FMN2: variants seen among roughly 807,000 people sequenced by gnomAD.
FMN2 encodes the protein formin-2.
A neutral mutation model predicts 142.3 loss-of-function variants in FMN2; 51 were observed. The ratio of observed to expected loss-of-function variants is 0.36; its 90% confidence interval spans 0.29 to 0.45. The LOEUF (loss-of-function observed/expected upper bound fraction) is 0.45. FMN2 is among the 20% of genes least tolerant of loss of function. The probability of loss-of-function intolerance (pLI) is 1.00; values close to 1 mark genes in which losing one functional copy is unlikely to be tolerated. For missense variants in FMN2, 1,936 were observed against 2,122.8 expected, an observed-to-expected ratio of 0.91 and a Z score of 1.73; for synonymous variants, 882 against 869.8, an observed-to-expected ratio of 1.01 and a Z score of -0.25.
At chr1:240,320,341 TG>T (rs1014288702) in intron 8 of FMN2, among the ~76,000 whole-genome samples, 7 of 152,282 alleles carry the variant, frequency 4.6e-5, no homozygotes, top group Non-Finnish European at 7.4e-5. Flanking sequence ...AATGTGTAAG[TG>T]TGTAGCCACT....
intron 7 of FMN2, among the ~76,000 whole-genome samples, chr1:240,288,248 G>A (rs768054665): frequency 8.5e-5 from 13 of 152,088 alleles, no homozygotes; most frequent in Non-Finnish European, 1.3e-4. Flanking sequence ...TGTCTCACAC[G>A]TCTCTGTATA....
chr1:240,274,587 G>A (rs1345194191), intron 7 of FMN2, among the ~76,000 whole-genome samples: 1 of 152,104 alleles, frequency 6.6e-6, no homozygotes, highest in Non-Finnish European at 1.5e-5. Flanking sequence ...TTTAGGTAGA[G>A]GAACGATTGG....
At chr1:240,381,979 C>T (rs1673240172) in intron 14 of FMN2, among the ~76,000 whole-genome samples, 1 of 152,094 alleles carries the variant, frequency 6.6e-6, no homozygotes, top group South Asian at 2.1e-4. Context: ...CCAAAGCAAT[C>T]AAGCAAGAAA....
chr1:240,457,489 C>G (rs1379297017), intron 16 of FMN2: 1 of 152,148 alleles, frequency 6.6e-6, no homozygotes, highest in Non-Finnish European at 1.5e-5. Flanking sequence ...CAAATTCCTG[C>G]CCTGGTGGAG....
intron 4 of FMN2, among the ~76,000 whole-genome samples, chr1:240,188,550 G>A (rs367743046): frequency 6.6e-6 from 1 of 152,168 alleles, no homozygotes; most frequent in Non-Finnish European, 1.5e-5. Context: ...AGCAGGAAAC[G>A]GTGGCCACTC....
chr1:240,255,686 A>G (rs1668430972), intron 6 of FMN2, among the ~76,000 whole-genome samples: 1 of 152,104 alleles, frequency 6.6e-6, no homozygotes, highest in Non-Finnish European at 1.5e-5. Context: ...TTATCTCAAT[A>G]TATAGCATAA....
chr1:240,258,286 A>C, intron 7 of FMN2, among the ~76,000 whole-genome samples: 1 of 152,200 alleles, frequency 6.6e-6, no homozygotes, highest in East Asian at 1.9e-4. Context: ...TCAGGCTACT[A>C]TAACCAAGTA....
At chr1:240,253,782 G>A (rs977932474) in intron 6 of FMN2, among the ~76,000 whole-genome samples, 5 of 152,268 alleles carry the variant, frequency 3.3e-5, no homozygotes, top group African/African-American at 1.2e-4. Context: ...TGTATCTGTG[G>A]TGTTGGTTTG....
intron 15 of FMN2, among the ~76,000 whole-genome samples, chr1:240,436,688 A>AG (rs1168458443): frequency 6.7e-6 from 1 of 148,722 alleles, no homozygotes; most frequent in Non-Finnish European, 1.5e-5. Flanking sequence ...AAAAAAAAAA[A>AG]AACTCAATAT....
intron 6 of FMN2, among the ~76,000 whole-genome samples, chr1:240,220,667 T>TTGTTTGTG (rs371039063): frequency 6.7e-6 from 1 of 149,094 alleles, no homozygotes. Flanking sequence ...GAGTCTGTGT[T>TTGTTTGTG]TGTGTGTGTG....
chr1:240,225,890 G>A (rs1667279822), intron 6 of FMN2, among the ~76,000 whole-genome samples: 1 of 152,090 alleles, frequency 6.6e-6, no homozygotes, highest in Non-Finnish European at 1.5e-5. Context: ...AGAGTTAAAA[G>A]TACAATAACC....
chr1:240,177,777 G>A, intron 2 of FMN2, 144 bp from the exon 3 acceptor site: 1 of 621,114 alleles, frequency 1.6e-6, no homozygotes, highest in Non-Finnish European at 2.4e-6. Context: ...ACACTGAATA[G>A]TATAAAAATG....
At chr1:240,367,820 A>G (rs1430782253) in intron 14 of FMN2, among the ~76,000 whole-genome samples, 1 of 151,834 alleles carries the variant, frequency 6.6e-6, no homozygotes, top group Non-Finnish European at 1.5e-5. Context: ...AAGTTGGTAA[A>G]GATAATGTCC....
chr1:240,280,997 A>C (rs1669378064), intron 7 of FMN2, among the ~76,000 whole-genome samples: 1 of 152,060 alleles, frequency 6.6e-6, no homozygotes, highest in Non-Finnish European at 1.5e-5. Context: ...CTTGGTATCC[A>C]TTTTTTTCCC....
chr1:240,251,718 C>A lies in FMN2; in HGVS notation c.4066-6227C>A, dbSNP rs138119515. Among the ~76,000 whole-genome samples, 1,242 of 152,240 alleles carry A rather than the reference C, an allele frequency of 8.2e-3. 27 individuals carry two copies. Among genetic ancestry groups the A allele is most frequent in the African/African-American group, 0.028 (1,182 of 41,540 alleles). On this transcript the variant is annotated intron_variant, in intron 6 of 17. Transcript: ENST00000319653. ...TTTGAGTCTGTCTCTCCCTTTAGAT[C>A]TAATAATATGTTTTATATATCTGTG...
At chr1:240,137,442 A>G (rs996567791) in intron 2 of FMN2, among the ~76,000 whole-genome samples, 29 of 152,222 alleles carry the variant, frequency 1.9e-4, no homozygotes, top group African/African-American at 7.0e-4. Flanking sequence ...AAAACTTTGT[A>G]TTACAAAACA....
Position 240,211,238 on chromosome 1 carries a change from G to C in FMN2, c.4065+3G>C. 2 of 1,609,692 alleles carry C rather than the reference G, an allele frequency of 1.2e-6. No homozygotes were observed. Among genetic ancestry groups the C allele is most frequent in the Non-Finnish European group, 1.7e-6 (2 of 1,178,920 alleles). ...TCTCAAAGACGAAGGCTAAACAAGT[G>C]AGTATTTTTGTGCTTTATGAAATTG... On this transcript the variant is annotated splice_donor_region_variant and intron_variant, in intron 6 of 17. Coordinates refer to ENST00000319653, the MANE Select transcript of FMN2 (RefSeq NM_020066.5).
At chr1:240,098,772 G>A (rs986366735) in intron 1 of FMN2, among the ~76,000 whole-genome samples, 1 of 152,150 alleles carries the variant, frequency 6.6e-6, no homozygotes, top group Non-Finnish European at 1.5e-5. Flanking sequence ...GAAGTCAAGT[G>A]CACCAGTAGC....
chr1:240,281,903 G>T (rs1308310198), intron 7 of FMN2, among the ~76,000 whole-genome samples: 1 of 152,094 alleles, frequency 6.6e-6, no homozygotes, highest in Non-Finnish European at 1.5e-5. Context: ...TTGGGAATTA[G>T]CCCAGTTGTA....
Sources: allele counts gnomAD v4.1 joint callset (sites outside exome capture counted in the v4.1 genomes callset), GRCh38; gene constraint gnomAD v4.1.1; transcripts MANE v1.5; gene names NCBI Gene and HGNC (gene_info 2026-07-23, HGNC 2026-07-21).